ALK: variants seen among roughly 807,000 people sequenced by gnomAD.
ALK encodes ALK receptor tyrosine kinase, also known as ALK tyrosine kinase receptor.
Under a neutral mutation model 163.1 loss-of-function variants are expected in ALK, and 74 were observed. That is an observed-to-expected ratio of 0.45 (90% CI 0.38 to 0.55). ALK has a LOEUF of 0.55. Ranked by LOEUF, ALK falls within the 20% of genes least tolerant of loss-of-function variation. The pLI, the probability that ALK is intolerant of heterozygous loss-of-function variation, is 0.00. For missense variants in ALK, 2,063 were observed against 2,105.3 expected (o/e 0.98, Z 0.39); for synonymous variants, 960 against 843.2 (o/e 1.14, Z -2.40).
At chr2:29,560,914 T>TA (rs1674005369) in intron 3 of ALK, among the ~76,000 whole-genome samples, 1 of 152,040 alleles carries the variant, frequency 6.6e-6, no homozygotes, top group African/African-American at 2.4e-5. Flanking sequence ...TTTTTTTTTT[T>TA]ACCTAAAACA....
At chr2:29,461,150 C>T (rs913902990) in intron 4 of ALK, among the ~76,000 whole-genome samples, 1 of 152,090 alleles carries the variant, frequency 6.6e-6, no homozygotes, top group Non-Finnish European at 1.5e-5. Flanking sequence ...CTGAGAGAGG[C>T]GAGGAAGCTG....
At position 29,696,048 on chromosome 2, in the gene ALK, G is replaced by A. The variant is rs78490552; in HGVS notation, c.788-1034C>T. On this transcript the variant is annotated intron_variant, in intron 2 of 28. Coordinates refer to ENST00000389048, the MANE Select transcript of ALK (RefSeq NM_004304.5). Reference sequence around the variant, plus strand: ...CCCATTACTGGGTACATACCCAAAGGTTTATAAATTATTCTACTATAAACA... The same window carrying A: ...CCCATTACTGGGTACATACCCAAAGATTTATAAATTATTCTACTATAAACA... Among the ~76,000 whole-genome samples, 39 of 152,216 alleles carry A rather than the reference G, an allele frequency of 2.6e-4. 1 individual carries two copies. The highest frequency in any genetic ancestry group is 9.4e-4 in the African/African-American group (39 of 41,526).
chr2:29,374,423 G>A (rs1668706424), intron 5 of ALK, among the ~76,000 whole-genome samples: 1 of 150,450 alleles, frequency 6.6e-6, no homozygotes, highest in South Asian at 2.1e-4. Flanking sequence ...TTTATTGAGT[G>A]CTTGCCATGA....
intron 1 of ALK, among the ~76,000 whole-genome samples, chr2:29,800,760 C>G (rs1463629556): frequency 6.6e-6 from 1 of 152,188 alleles, no homozygotes; most frequent in Non-Finnish European, 1.5e-5. Context: ...ATCCAACCAC[C>G]AAGGTAAAAC....
Position 29,682,751 on chromosome 2 carries a change from G to A in ALK, c.952+12099C>T, listed in dbSNP as rs145838226. Among the ~76,000 whole-genome samples, 210 of 152,234 alleles carry A rather than the reference G, an allele frequency of 1.4e-3. 2 individuals are homozygous for A. The highest frequency in any genetic ancestry group is 4.6e-3 in the African/African-American group (190 of 41,552). On this transcript the variant is annotated intron_variant, in intron 3 of 28. Transcript: ENST00000389048. ...TTTAGTGTCATGGCAATATATAACCGAAAGACTATTCTCATTGTAGGCACC... is the reference window on the plus strand; with the variant it reads ...TTTAGTGTCATGGCAATATATAACCAAAAGACTATTCTCATTGTAGGCACC...
chr2:29,600,881 G>A (rs1675364150), intron 3 of ALK, among the ~76,000 whole-genome samples: 1 of 152,190 alleles, frequency 6.6e-6, no homozygotes, highest in African/African-American at 2.4e-5. Context: ...GACCATGAAA[G>A]GGCTCAGTAT....
chr2:29,206,450 A>G (rs1669311994), intron 26 of ALK, among the ~76,000 whole-genome samples: 1 of 151,934 alleles, frequency 6.6e-6, no homozygotes, highest in Non-Finnish European at 1.5e-5. Context: ...TTTAAAATTT[A>G]TGGTAGAGAT....
intron 4 of ALK, among the ~76,000 whole-genome samples, chr2:29,481,752 T>C (rs1671663848): frequency 6.6e-6 from 1 of 152,188 alleles, no homozygotes. Flanking sequence ...TTTTTCTCTT[T>C]GCATGGTTCA....
chr2:29,290,784 G>C (rs1360250449), intron 9 of ALK, among the ~76,000 whole-genome samples: 1 of 152,190 alleles, frequency 6.6e-6, no homozygotes, highest in Admixed American at 6.5e-5. Flanking sequence ...TGCTGGGGAG[G>C]AAACACATGG....
intron 5 of ALK, among the ~76,000 whole-genome samples, chr2:29,352,134 C>T (rs1370451993): frequency 6.6e-6 from 1 of 152,152 alleles, no homozygotes; most frequent in East Asian, 1.9e-4. Context: ...GTTGTGCTAC[C>T]GATTAGTCAC....
At chr2:29,628,683 T>G (rs1192762935) in intron 3 of ALK, among the ~76,000 whole-genome samples, 1 of 152,208 alleles carries the variant, frequency 6.6e-6, no homozygotes, top group Non-Finnish European at 1.5e-5. Flanking sequence ...CCTTAACAAT[T>G]AAAACCAAAT....
chr2:29,497,968 A>T (rs934085249), intron 4 of ALK, among the ~76,000 whole-genome samples: 1 of 152,226 alleles, frequency 6.6e-6, no homozygotes, highest in African/African-American at 2.4e-5. Context: ...TATTACTTAT[A>T]ATAAGTAATA....
intron 1 of ALK, among the ~76,000 whole-genome samples, chr2:29,823,637 C>T (rs114012553): frequency 0.021 from 3,166 of 152,152 alleles, 111 homozygotes; most frequent in African/African-American, 0.073. Flanking sequence ...TGCCCCTGGT[C>T]CAGAGATTTG....
intron 4 of ALK, among the ~76,000 whole-genome samples, chr2:29,489,215 A>C (rs752693833): frequency 1.3e-5 from 2 of 152,214 alleles, no homozygotes; most frequent in Non-Finnish European, 1.5e-5. Context: ...AAGGCTTGGC[A>C]TGATGTCTAG....
At chr2:29,714,279 C>T (rs887137835) in intron 2 of ALK, among the ~76,000 whole-genome samples, 2 of 151,954 alleles carry the variant, frequency 1.3e-5, no homozygotes, top group Non-Finnish European at 1.5e-5. Context: ...AACACAAAGG[C>T]GAGAAACGAC....
intron 1 of ALK, among the ~76,000 whole-genome samples, chr2:29,817,708 T>C (rs952566699): frequency 2.6e-5 from 4 of 152,088 alleles, no homozygotes. Context: ...CCTTTATACA[T>C]ACCACTGTGT....
rs182982974 is a variant in ALK at position 29,229,183 on chromosome 2, C to A, written c.2633-117G>T. 1.4e-5 allele frequency: 12 copies of A among 881,146 alleles called. No individual in the cohort carries two copies. The African/African-American group carries it at 1.8e-4, about 13-fold the overall frequency. 54.6% of individuals were successfully genotyped at this position (881,146 alleles called of 1,614,324 possible). A position where few individuals can be genotyped will look rare whatever the true frequency, so the allele number is the denominator to read the frequency against. ...GGGCGCCCGCACCAGCTCCAGCTCC[C>A]GGGGCCCATCTTCAGTGGGGCCTGG... On this transcript the variant is annotated intron_variant, in intron 15 of 28. Transcript: ENST00000389048.
intron 9 of ALK, among the ~76,000 whole-genome samples, chr2:29,277,175 A>G (rs1665569288): frequency 6.6e-6 from 1 of 152,140 alleles, no homozygotes; most frequent in Admixed American, 6.5e-5. Flanking sequence ...CAGTGGGAGG[A>G]AAGATGCAGA....
At chr2:29,353,144 T>G (rs572337364) in intron 5 of ALK, among the ~76,000 whole-genome samples, 52 of 152,346 alleles carry the variant, frequency 3.4e-4, no homozygotes, top group Admixed American at 2.0e-3. Flanking sequence ...ACATCACTAT[T>G]GTAAAACCTA....
Sources: gnomAD v4.1 joint callset for allele counts (sites outside exome capture counted in the v4.1 genomes callset) on GRCh38, gnomAD v4.1.1 for gene constraint, MANE v1.5 for transcripts, NCBI Gene and HGNC (gene_info 2026-07-23, HGNC 2026-07-21) for gene names.